The following OPCML variants were observed in gnomAD, a reference collection of about 807,000 sequenced individuals.
The protein encoded by OPCML is opioid-binding protein/cell adhesion molecule.
OPCML carries 13 observed loss-of-function variants against 37.8 expected under a neutral mutation model. The observed-to-expected ratio is 0.34, with a 90% CI of 0.22 to 0.55. The LOEUF (loss-of-function observed/expected upper bound fraction) is 0.55. OPCML is among the 20% of genes least tolerant of loss of function. The pLI is 0.91. For synonymous variants in OPCML, 176 were observed against 168.8 expected (o/e 1.04, Z -0.33); for missense variants, 341 against 435.6 (o/e 0.78, Z 1.93).
At chr11:132,434,695 T>G (rs2096007528) in intron 7 of OPCML, among the ~76,000 whole-genome samples, 1 of 152,200 alleles carries the variant, frequency 6.6e-6, no homozygotes, top group Non-Finnish European at 1.5e-5. Flanking sequence ...ATAATAATGA[T>G]CCCAAGTACT....
chr11:133,114,212 C>T (rs933961232), intron 1 of OPCML, among the ~76,000 whole-genome samples: 1 of 152,184 alleles, frequency 6.6e-6, no homozygotes, highest in Non-Finnish European at 1.5e-5. Flanking sequence ...ACTGCTCGCT[C>T]TGCTGCTGTG....
intron 1 of OPCML, among the ~76,000 whole-genome samples, chr11:133,359,552 C>T (rs1944368329): frequency 6.6e-6 from 1 of 151,722 alleles, no homozygotes; most frequent in Admixed American, 6.6e-5. Flanking sequence ...ACCAAAGTCC[C>T]CACCCTTATT....
intron 1 of OPCML, among the ~76,000 whole-genome samples, chr11:133,312,196 A>G (rs1322575040): frequency 6.6e-6 from 1 of 152,208 alleles, no homozygotes; most frequent in African/African-American, 2.4e-5. Context: ...CTCTCCAAAT[A>G]TGTTATGACA....
At chr11:132,960,992 G>A (rs1399197437) in intron 1 of OPCML, among the ~76,000 whole-genome samples, 2 of 152,184 alleles carry the variant, frequency 1.3e-5, no homozygotes, top group Non-Finnish European at 2.9e-5. Flanking sequence ...GCCCCTTCCT[G>A]CTGAATCTAG....
At chr11:132,421,359 A>G (rs2095958442) in intron 7 of OPCML, among the ~76,000 whole-genome samples, 1 of 152,206 alleles carries the variant, frequency 6.6e-6, no homozygotes, top group Admixed American at 6.5e-5. Context: ...CACCTCTTCT[A>G]CCATCTCAAG....
chr11:132,523,029 T>G (rs1166702547), intron 4 of OPCML, among the ~76,000 whole-genome samples: 1 of 152,154 alleles, frequency 6.6e-6, no homozygotes. Context: ...CTCCGCCTCC[T>G]GGGTTCAAGC....
intron 2 of OPCML, among the ~76,000 whole-genome samples, chr11:132,676,693 T>C (rs1363235660): frequency 6.6e-6 from 1 of 150,940 alleles, no homozygotes; most frequent in Non-Finnish European, 1.5e-5. Flanking sequence ...GCTAATATTA[T>C]TAATCATTAG....
intron 3 of OPCML, among the ~76,000 whole-genome samples, chr11:132,564,507 G>A (rs1300116937): frequency 6.6e-6 from 1 of 152,172 alleles, no homozygotes; most frequent in Non-Finnish European, 1.5e-5. Context: ...AGTAAATACT[G>A]TTCACTGACT....
At chr11:133,432,191 G>A (rs544252788) in intron 1 of OPCML, among the ~76,000 whole-genome samples, 15 of 152,070 alleles carry the variant, frequency 9.9e-5, no homozygotes, top group South Asian at 6.2e-4. Flanking sequence ...CCAAACCACC[G>A]CAACACGCAA....
At chr11:133,055,083 T>C (rs368311205) in intron 1 of OPCML, among the ~76,000 whole-genome samples, 119 of 117,944 alleles carry the variant, frequency 1.0e-3, no homozygotes, top group East Asian at 2.5e-3. Context: ...GTGGTGAGAC[T>C]CCATGAGGGA....
At chr11:132,866,718 C>T (rs1942574691) in intron 2 of OPCML, among the ~76,000 whole-genome samples, 2 of 152,174 alleles carry the variant, frequency 1.3e-5, no homozygotes, top group South Asian at 4.1e-4. Context: ...CAAATATTAT[C>T]TTACAAGATA....
At chr11:132,726,835 G>T (rs1231309295) in intron 2 of OPCML, among the ~76,000 whole-genome samples, 3 of 152,146 alleles carry the variant, frequency 2.0e-5, no homozygotes, top group Admixed American at 2.0e-4. Flanking sequence ...AGACGTAAAG[G>T]ACATGGTTCC....
chr11:133,372,640 T>C (rs1311704129), intron 1 of OPCML, among the ~76,000 whole-genome samples: 1 of 152,238 alleles, frequency 6.6e-6, no homozygotes, highest in Admixed American at 6.5e-5. Context: ...TGTATGTGGA[T>C]GTGTTTGAGA....
chr11:133,254,869 A>C (rs1941259039), intron 1 of OPCML, among the ~76,000 whole-genome samples: 1 of 152,088 alleles, frequency 6.6e-6, no homozygotes, highest in African/African-American at 2.4e-5. Flanking sequence ...AGAAACGTTA[A>C]ATTAAATGTA....
intron 2 of OPCML, among the ~76,000 whole-genome samples, chr11:132,896,635 G>A (rs893961469): frequency 2.0e-5 from 3 of 152,262 alleles, no homozygotes; most frequent in South Asian, 2.1e-4. Context: ...ATATCAACTC[G>A]CCAGCTTTAT....
intron 1 of OPCML, among the ~76,000 whole-genome samples, chr11:133,165,891 G>A (rs112806507): frequency 2.6e-5 from 4 of 152,174 alleles, no homozygotes; most frequent in Non-Finnish European, 4.4e-5. Context: ...CACCACAACC[G>A]CAGAATACCT....
chr11:132,475,082 G>A (rs1009126912), intron 4 of OPCML, among the ~76,000 whole-genome samples: 21 of 152,214 alleles, frequency 1.4e-4, no homozygotes, highest in African/African-American at 3.9e-4. Context: ...CAGCCCTGAG[G>A]TCCCTGCCTG....
intron 1 of OPCML, among the ~76,000 whole-genome samples, chr11:132,966,012 TTTTC>T (rs1342125130): frequency 6.6e-6 from 1 of 152,104 alleles, no homozygotes; most frequent in Non-Finnish European, 1.5e-5. Flanking sequence ...GTTTCATTTA[TTTTC>T]TTTACTATTT....
At chr11:133,041,635 T>C (rs1947899417) in intron 1 of OPCML, among the ~76,000 whole-genome samples, 1 of 152,170 alleles carries the variant, frequency 6.6e-6, no homozygotes. Flanking sequence ...TTTTTCGTGT[T>C]TTTCAAAGGA....
Sources: gnomAD v4.1 joint callset for allele counts (sites outside exome capture counted in the v4.1 genomes callset) on GRCh38, gnomAD v4.1.1 for gene constraint, MANE v1.5 for transcripts, NCBI Gene and HGNC (gene_info 2026-07-23, HGNC 2026-07-21) for gene names.